The following FAM110D variants were observed in gnomAD, a reference collection of about 807,000 sequenced individuals.
FAM110D encodes protein FAM110D.
For missense variants in FAM110D, 376 were observed against 395.6 expected, an observed-to-expected ratio of 0.95 and a Z score of 0.42; for synonymous variants, 174 against 189.4, an observed-to-expected ratio of 0.92 and a Z score of 0.67.
At position 26,163,332 on chromosome 1, in the gene FAM110D, C is replaced by CTTTTTTT. The variant is rs563375331; in HGVS notation, c.*1249_*1255dup. On this transcript the variant is annotated 3_prime_UTR_variant, in exon 2 of 2. Coordinates refer to ENST00000374268, the MANE Select transcript of FAM110D (RefSeq NM_024869.3). Reference sequence around the variant, plus strand: ...TCCTTTTCTCTCTGCTCTTCCTTCTCTTTTTTTTTTTTTTTTTTTTTTTTT... The same window carrying CTTTTTTT: ...TCCTTTTCTCTCTGCTCTTCCTTCTCTTTTTTTTTTTTTTTTTTTTTTTTTTTTTTTT... 5.2e-5 allele frequency: 2 copies of CTTTTTTT among 38,364 alleles called. No homozygotes were observed. The highest frequency in any genetic ancestry group is 1.1e-4 in the Non-Finnish European group (2 of 18,898). The allele number at this position is 38,364 out of a possible 1,614,324, so 2.4% of individuals were successfully genotyped here.
At chr1:26,160,995 C>T (rs1557610056) in intron 1 of FAM110D, among the ~76,000 whole-genome samples, 1 of 152,230 alleles carries the variant, frequency 6.6e-6, no homozygotes. Context: ...ATTGGGGCAC[C>T]TTCAAAGGGG....
chr1:26,160,902 T>C (rs976133360), intron 1 of FAM110D, among the ~76,000 whole-genome samples: 1 of 152,264 alleles, frequency 6.6e-6, no homozygotes, highest in Non-Finnish European at 1.5e-5. Flanking sequence ...GAAGCCACTT[T>C]CAGGAATTGG....
Position 26,163,837 on chromosome 1 carries a change from C to T in FAM110D, c.*1730C>T. The T allele has an allele frequency of 4.1e-6, 1 of 242,880 alleles. No individual in the cohort carries two copies. Among genetic ancestry groups the T allele is most frequent in the East Asian group, 8.5e-5 (1 of 11,766 alleles). The allele number at this position is 242,880 out of a possible 1,614,324, so 15.0% of individuals were successfully genotyped here. On this transcript the variant is annotated 3_prime_UTR_variant, in exon 2 of 2. Transcript: ENST00000374268. ...GACCTTTTTCCTAGTACAGGGACGG[C>T]GCACATAGTAGGGCCACAGGCACAG...
chr1:26,160,141 G>C (rs900198721), intron 1 of FAM110D, among the ~76,000 whole-genome samples: 3 of 151,258 alleles, frequency 2.0e-5, no homozygotes, highest in African/African-American at 7.3e-5. Context: ...GCCCAGGCTG[G>C]AGTGCAGTGG....
rs1263360563 is a variant in FAM110D, at chr1:26,161,204, C to G, written c.-80-8C>G. ...TACCCTTCCCCTGACCTTCCTCTCT[C>G]CCTGCAGGTCAGTGAGAGCCCAAGC... On this transcript the variant is annotated splice_region_variant and splice_polypyrimidine_tract_variant and intron_variant, in intron 1 of 1. Transcript: ENST00000374268. The surrounding 1 kb of genome is among the most constrained non-coding windows in gnomAD (Gnocchi z 5.4). 3.1e-6 allele frequency: 4 copies of G among 1,303,280 alleles called. No homozygotes were observed. The highest frequency in any genetic ancestry group is 4.1e-6 in the Non-Finnish European group (4 of 965,264). 80.7% of individuals were successfully genotyped at this position (1,303,280 alleles called of 1,614,324 possible).
At chr1:26,160,804 T>C (rs959929339) in intron 1 of FAM110D, among the ~76,000 whole-genome samples, 3 of 151,142 alleles carry the variant, frequency 2.0e-5, no homozygotes, top group Non-Finnish European at 3.0e-5. Context: ...GCGGGAAGGG[T>C]GGGCCCTGCT....
At position 26,162,108 on chromosome 1, in the gene FAM110D, C is replaced by T. The variant is rs921199040; in HGVS notation, c.*1C>T. 1 of 1,262,396 alleles carries T rather than the reference C, an allele frequency of 7.9e-7. No homozygotes were observed. Among genetic ancestry groups the T allele is most frequent in the Non-Finnish European group, 1.0e-6 (1 of 1,004,002 alleles). The allele number at this position is 1,262,396 out of a possible 1,614,324, so 78.2% of individuals were successfully genotyped here. On this transcript the variant is annotated 3_prime_UTR_variant, in exon 2 of 2. Coordinates refer to ENST00000374268, the MANE Select transcript of FAM110D (RefSeq NM_024869.3). The surrounding 1 kb of genome is among the most constrained non-coding windows in gnomAD (Gnocchi z 5.3). ...ACCGCCGCGCGAGTCCGAGGTGTGA[C>T]CGCCGCGGCTCCGGACTGGCCCCGG...
chr1:26,160,195 G>A (rs1169959662), intron 1 of FAM110D, among the ~76,000 whole-genome samples: 1 of 151,428 alleles, frequency 6.6e-6, no homozygotes, highest in East Asian at 1.9e-4. Flanking sequence ...CCAGCTTCAA[G>A]CGATTCTCCT....
In FAM110D at chr1:26,162,024, G is replaced by A; in HGVS notation, c.733G>A (p.Val245Met). The A allele has an allele frequency of 8.0e-7, 1 of 1,246,850 alleles. No individual in the cohort carries two copies. The highest frequency in any genetic ancestry group is 1.6e-5 in the African/African-American group (1 of 64,262). The allele number at this position is 1,246,850 out of a possible 1,614,324, so 77.2% of individuals were successfully genotyped here. A position where few individuals can be genotyped will look rare whatever the true frequency, so the allele number is the denominator to read the frequency against. ...SARDRRPPVS[V>M]VERNARVIQW... is the part of the protein sequence containing the mutation. ...GCGGGACCGGCGCCCCCCGGTGTCGGTGGTGGAGCGCAACGCGCGCGTCAT... is the reference window on the plus strand; with the variant it reads ...GCGGGACCGGCGCCCCCCGGTGTCGATGGTGGAGCGCAACGCGCGCGTCAT... The change falls in exon 2 of 2, where the codon GTG (valine) becomes ATG (methionine). Residue 245 changes from valine (V) to methionine (M), a missense_variant. Coordinates refer to ENST00000374268, the MANE Select transcript of FAM110D (RefSeq NM_024869.3). The surrounding 1 kb of genome is among the most constrained non-coding windows in gnomAD (Gnocchi z 5.3).
At position 26,161,246 on chromosome 1, in the gene FAM110D, C is replaced by T; in HGVS notation, c.-46C>T. 2.7e-6 allele frequency: 4 copies of T among 1,474,202 alleles called. No individual in the cohort carries two copies. The highest frequency in any genetic ancestry group is 3.6e-6 in the Non-Finnish European group (4 of 1,107,888). The allele number at this position is 1,474,202 out of a possible 1,614,324, so 91.3% of individuals were successfully genotyped here. A position where few individuals can be genotyped will look rare whatever the true frequency, so the allele number is the denominator to read the frequency against. ...AGCCCAAGCCAATTGCTCTAGGCCC[C>T]GTGGCTGGCTACTTATGGGGCACTG... On this transcript the variant is annotated 5_prime_UTR_variant, in exon 2 of 2. Transcript: ENST00000374268. This position sits in a 1 kb window ranked among gnomAD's most constrained non-coding sequence, Gnocchi z 5.4.
intron 1 of FAM110D, among the ~76,000 whole-genome samples, chr1:26,160,389 T>C (rs10751733): frequency 0.59 from 90,381 of 151,960 alleles, 27,708 homozygotes; most frequent in East Asian, 0.92. Flanking sequence ...CCATCGCGCC[T>C]GGCCTCAGTG....
intron 1 of FAM110D, among the ~76,000 whole-genome samples, chr1:26,159,449 G>T (rs371985653): frequency 1.3e-5 from 2 of 151,996 alleles, no homozygotes; most frequent in East Asian, 1.9e-4. Context: ...CTCAGGGCTG[G>T]GGAGAAGAGG....
rs1366398550 is a variant in FAM110D, at chr1:26,161,706, C to T, written c.415C>T (p.Pro139Ser). Residue 139 changes from proline (P) to serine (S), a missense_variant, in exon 2 of 2, where the codon CCC (proline) becomes TCC (serine). Pro to Ser is a moderately conservative substitution (Grantham distance 74, BLOSUM62 -1). Transcript: ENST00000374268. This position sits in a 1 kb window ranked among gnomAD's most constrained non-coding sequence, Gnocchi z 5.4. ...RPAASGGWAAPQDAPEAAGKR... is the reference protein window; with the variant it reads ...RPAASGGWAASQDAPEAAGKR... ...TGCGGCTTCAGGGGGTTGGGCTGCGCCCCAGGATGCCCCGGAAGCGGCGGG... is the reference window on the plus strand; with the variant it reads ...TGCGGCTTCAGGGGGTTGGGCTGCGTCCCAGGATGCCCCGGAAGCGGCGGG... 4.5e-6 allele frequency: 7 copies of T among 1,550,154 alleles called. No homozygotes were observed. The highest frequency in any genetic ancestry group is 5.2e-6 in the Non-Finnish European group (6 of 1,147,064).
At position 26,162,248 on chromosome 1, in the gene FAM110D, G is replaced by A. The variant is rs1276459379; in HGVS notation, c.*141G>A. ...TCTGAACCTTGGGGAGGTGGAACAA[G>A]TTGCTGCCGAAGGCCCTTCCCTGCT... is the stretch of plus-strand genomic sequence containing the variant. On this transcript the variant is annotated 3_prime_UTR_variant, in exon 2 of 2. Transcript: ENST00000374268. This position sits in a 1 kb window ranked among gnomAD's most constrained non-coding sequence, Gnocchi z 5.3. 3.8e-6 allele frequency: 2 copies of A among 528,286 alleles called. No homozygotes were observed. The highest frequency in any genetic ancestry group is 5.9e-6 in the Non-Finnish European group (2 of 340,354). 32.7% of individuals were successfully genotyped at this position (528,286 alleles called of 1,614,324 possible).
Position 26,162,653 on chromosome 1 carries a change from G to T in FAM110D, c.*546G>T, listed in dbSNP as rs770172228. 7 of 157,652 alleles carry T rather than the reference G, an allele frequency of 4.4e-5. No individual in the cohort carries two copies. The highest frequency in any genetic ancestry group is 2.9e-5 in the Non-Finnish European group (2 of 68,080). The allele number at this position is 157,652 out of a possible 1,614,324, so 9.8% of individuals were successfully genotyped here. A position where few individuals can be genotyped will look rare whatever the true frequency, so the allele number is the denominator to read the frequency against. ...ACCGAATGAGTACTAACACTGTTGT[G>T]ATCTCCACTGGCCTCCAGGTCGATC... On this transcript the variant is annotated 3_prime_UTR_variant, in exon 2 of 2. Transcript: ENST00000374268. This position sits in a 1 kb window ranked among gnomAD's most constrained non-coding sequence, Gnocchi z 5.3.
chr1:26,161,676 CG>C lies in FAM110D; in HGVS notation c.386del (p.Arg129HisfsTer226). 1 of 1,551,608 alleles carries C rather than the reference CG, an allele frequency of 6.4e-7. No homozygotes were observed. The highest frequency in any genetic ancestry group is 1.2e-5 in the South Asian group (1 of 84,142). Reference sequence around the variant, plus strand: ...CCCGAGCAGCCCGGCCTCCACAGAGCGACCTGCGGCTTCAGGGGGTTGGGCT... The same window carrying C: ...CCCGAGCAGCCCGGCCTCCACAGAGCACCTGCGGCTTCAGGGGGTTGGGCT... ...AAPSSPASTERPAASGGWAAP... is the reference protein window; with the variant it reads ...AAPSSPASTEXPAASGGWAAP... On this transcript the variant is annotated frameshift_variant, in exon 2 of 2. Coordinates refer to ENST00000374268, the MANE Select transcript of FAM110D (RefSeq NM_024869.3). LOFTEE classifies it low-confidence loss of function (END_TRUNC). The surrounding 1 kb of genome is among the most constrained non-coding windows in gnomAD (Gnocchi z 5.4).
intron 1 of FAM110D, among the ~76,000 whole-genome samples, chr1:26,159,967 C>T (rs180958459): frequency 2.6e-5 from 4 of 152,054 alleles, no homozygotes; most frequent in Admixed American, 2.0e-4. Context: ...GGAGTGGGAG[C>T]GCAGGTTATT....
Position 26,162,907 on chromosome 1 carries a change from TGAG to T in FAM110D, c.*805_*807del, listed in dbSNP as rs1368665204. The T allele has an allele frequency of 6.6e-6, 1 of 151,974 alleles. No homozygotes were observed. The highest frequency in any genetic ancestry group is 2.4e-5 in the African/African-American group (1 of 41,362). The allele number at this position is 151,974 out of a possible 1,614,324, so 9.4% of individuals were successfully genotyped here. On this transcript the variant is annotated 3_prime_UTR_variant, in exon 2 of 2. Transcript: ENST00000374268. The surrounding 1 kb of genome is among the most constrained non-coding windows in gnomAD (Gnocchi z 5.3). ...CTGTAATCCCAGCACTTTGGGAGGC[TGAG>T]GAGGGTAGATCACGAGATCAGGAGT... is the stretch of plus-strand genomic sequence containing the variant.
In FAM110D at chr1:26,162,078, C is replaced by G; in HGVS notation, c.787C>G (p.Arg263Gly). 2 of 1,270,892 alleles carry G rather than the reference C, an allele frequency of 1.6e-6. No individual in the cohort carries two copies. Among genetic ancestry groups the G allele is most frequent in the Non-Finnish European group, 2.0e-6 (2 of 1,009,470 alleles). The allele number at this position is 1,270,892 out of a possible 1,614,324, so 78.7% of individuals were successfully genotyped here. ...GTGGCTGTACGGCTGCCAGCGCGCC[C>G]GCGGACCGCCGCGCGAGTCCGAGGT... ...IQWLYGCQRA[R>G]GPPRESEV Residue 263 changes from arginine to glycine, a missense_variant, in exon 2 of 2, where the codon CGC becomes GGC. Transcript: ENST00000374268. The surrounding 1 kb of genome is among the most constrained non-coding windows in gnomAD (Gnocchi z 5.3).
Sources: allele counts gnomAD v4.1 joint callset (sites outside exome capture counted in the v4.1 genomes callset), GRCh38; gene constraint gnomAD v4.1.1; non-coding constraint Gnocchi (gnomAD v3.1); transcripts MANE v1.5; gene names NCBI Gene and HGNC (gene_info 2026-07-23, HGNC 2026-07-21).